SHROOM4: variants seen among roughly 807,000 people sequenced by gnomAD.
SHROOM4 encodes the protein protein Shroom4.
A neutral mutation model predicts 80.3 loss-of-function variants in SHROOM4; 17 were observed. The ratio of observed to expected loss-of-function variants is 0.21; its 90% CI spans 0.14 to 0.32. The LOEUF (loss-of-function observed/expected upper bound fraction) is 0.32. Among genes scored for constraint, SHROOM4 ranks in the 10% least tolerant of loss-of-function variants. SHROOM4 has a pLI of 1.00. For synonymous variants in SHROOM4, 400 were observed against 437.5 expected (o/e 0.91, Z 1.07); for missense variants, 993 against 1,140.3 (o/e 0.87, Z 1.86).
At chrX:50,611,291 G>GGCGCCCGCTACC (rs1322629040) in intron 5 of SHROOM4, among the ~76,000 whole-genome samples, 1 of 109,269 alleles carries the variant, frequency 9.2e-6, no homozygotes. Context: ...TGGGACTACA[G>GGCGCCCGCTACC]GCGCCCGCTA....
intron 1 of SHROOM4, among the ~76,000 whole-genome samples, chrX:50,701,253 GT>G (rs782366071): frequency 4.5e-5 from 5 of 111,983 alleles, no homozygotes; most frequent in Non-Finnish European, 9.4e-5. Context: ...GAATTTGGTG[GT>G]GAGGACAGGG....
intron 1 of SHROOM4, among the ~76,000 whole-genome samples, chrX:50,720,894 T>A (rs960581514): frequency 9.0e-6 from 1 of 111,270 alleles, no homozygotes; most frequent in African/African-American, 3.3e-5. Context: ...TTTTGTGGGA[T>A]CACCTGAGGG....
chrX:50,807,486 A>G (rs185045319), intron 1 of SHROOM4, among the ~76,000 whole-genome samples: 11 of 112,141 alleles, frequency 9.8e-5, no homozygotes, highest in African/African-American at 3.2e-4. Flanking sequence ...AGCATCTTCA[A>G]TCTTGGAGAC....
chrX:50,714,080 C>T (rs1933887717), intron 1 of SHROOM4, among the ~76,000 whole-genome samples: 1 of 111,843 alleles, frequency 8.9e-6, no homozygotes, highest in South Asian at 3.7e-4. Context: ...GGTGTCCTTT[C>T]CCCACTGTAT....
At position 50,591,694 on chromosome X, in the gene SHROOM4, T is replaced by TTTCTTTC. The variant is rs781942320; in HGVS notation, c.*5000_*5001insGAAAGAA. 4 of 233,049 alleles carry TTTCTTTC rather than the reference T, an allele frequency of 1.7e-5. No homozygotes were observed. Among genetic ancestry groups the TTTCTTTC allele is most frequent in the African/African-American group, 1.4e-4 (4 of 28,449 alleles). The allele number at this position is 233,049 out of a possible 1,213,427, so 19.2% of individuals were successfully genotyped here. On this transcript the variant is annotated 3_prime_UTR_variant, in exon 9 of 9. Coordinates refer to ENST00000376020, the MANE Select transcript of SHROOM4 (RefSeq NM_020717.5). ...TTTTCTTTCTTTCTTTCTTTCTTTC[T>TTTCTTTC]TTTCTTTCTTTCTTTCTTTCTTTCT... is the stretch of plus-strand genomic sequence containing the variant.
At chrX:50,645,345 T>C (rs1557257759) in intron 2 of SHROOM4, among the ~76,000 whole-genome samples, 2 of 112,167 alleles carry the variant, frequency 1.8e-5, no homozygotes, top group African/African-American at 6.5e-5. Flanking sequence ...GGTCGCCAAA[T>C]GTCTTTCTCC....
At position 50,589,642 on chromosome X, in the gene SHROOM4, T is replaced by C. The variant is rs1928826014; in HGVS notation, c.*7053A>G. 8.9e-6 allele frequency among the ~76,000 whole-genome samples: 1 copy of C among 112,354 alleles called. No individual in the cohort carries two copies. Among genetic ancestry groups the C allele is most frequent in the Admixed American group, 9.4e-5 (1 of 10,590 alleles). On this transcript the variant is annotated 3_prime_UTR_variant, in exon 9 of 9. Coordinates refer to ENST00000376020, the MANE Select transcript of SHROOM4 (RefSeq NM_020717.5). ...TTTATGGCTAAATAATACCCTACTGTATGCATATATCAAAGTTTGTTTATC... is the reference window on the plus strand; with the variant it reads ...TTTATGGCTAAATAATACCCTACTGCATGCATATATCAAAGTTTGTTTATC...
At chrX:50,618,520 C>A (rs1421490972) in intron 5 of SHROOM4, among the ~76,000 whole-genome samples, 1 of 109,053 alleles carries the variant, frequency 9.2e-6, no homozygotes, top group Non-Finnish European at 1.9e-5. Context: ...GATTCTCATG[C>A]CTCAGCCTCC....
rs1931430478 is a variant in SHROOM4, at chrX:50,638,028, C to A, written c.404+146G>T. Reference sequence around the variant, plus strand: ...ACAGAGAATTAGCAAGAGACTAGCACTTGAACTCAGGTACTCTGGACTCCC... The same window carrying A: ...ACAGAGAATTAGCAAGAGACTAGCAATTGAACTCAGGTACTCTGGACTCCC... On this transcript the variant is annotated intron_variant, in intron 3 of 8. Transcript: ENST00000376020. The A allele has an allele frequency of 1.2e-5, 9 of 727,380 alleles. No individual in the cohort carries two copies. The East Asian group carries it at 2.9e-4, about 23-fold the overall frequency. The allele number at this position is 727,380 out of a possible 1,213,427, so 59.9% of individuals were successfully genotyped here. A position where few individuals can be genotyped will look rare whatever the true frequency, so the allele number is the denominator to read the frequency against.
At chrX:50,773,018 T>C (rs1297948378) in intron 1 of SHROOM4, among the ~76,000 whole-genome samples, 1 of 111,994 alleles carries the variant, frequency 8.9e-6, no homozygotes, top group Non-Finnish European at 1.9e-5. Context: ...AATTCTTCTT[T>C]ACTACACTTA....
chrX:50,640,889 T>C (rs1368517599), intron 2 of SHROOM4, among the ~76,000 whole-genome samples: 3 of 112,322 alleles, frequency 2.7e-5, no homozygotes, highest in Non-Finnish European at 5.6e-5. Context: ...TTTAGACAGG[T>C]GACTTCACTT....
chrX:50,665,246 A>G (rs1418541162), intron 2 of SHROOM4, among the ~76,000 whole-genome samples: 1 of 110,894 alleles, frequency 9.0e-6, no homozygotes, highest in Non-Finnish European at 1.9e-5. Flanking sequence ...CCCTCATCCA[A>G]TCAAAGAGCT....
At position 50,589,534 on chromosome X, in the gene SHROOM4, A is replaced by G. The variant is rs1928824089; in HGVS notation, c.*7161T>C. On this transcript the variant is annotated 3_prime_UTR_variant, in exon 9 of 9. Coordinates refer to ENST00000376020, the MANE Select transcript of SHROOM4 (RefSeq NM_020717.5). ...TTTCATATAAATTAAATCATACAATATGTGGTCTTTTGTGATTGGCTCCTT... is the reference window on the plus strand; with the variant it reads ...TTTCATATAAATTAAATCATACAATGTGTGGTCTTTTGTGATTGGCTCCTT... Among the ~76,000 whole-genome samples, 1 of 111,614 alleles carries G rather than the reference A, an allele frequency of 9.0e-6. No individual in the cohort carries two copies. The highest frequency in any genetic ancestry group is 3.3e-5 in the African/African-American group (1 of 30,692).
At chrX:50,645,727 C>T (rs868951007) in intron 2 of SHROOM4, among the ~76,000 whole-genome samples, 2 of 111,618 alleles carry the variant, frequency 1.8e-5, no homozygotes, top group Non-Finnish European at 3.8e-5. Context: ...TCCCATTTAG[C>T]GGAGCTGAGT....
chrX:50,717,342 C>T (rs1016674553), intron 1 of SHROOM4, among the ~76,000 whole-genome samples: 6 of 111,780 alleles, frequency 5.4e-5, no homozygotes, highest in Admixed American at 9.4e-5. Context: ...CTCAGCCTCC[C>T]CAGTAGCTGG....
At chrX:50,723,627 G>A (rs989283404) in intron 1 of SHROOM4, among the ~76,000 whole-genome samples, 2 of 111,582 alleles carry the variant, frequency 1.8e-5, no homozygotes, top group Admixed American at 1.9e-4. Context: ...GATGATCAGA[G>A]CTTTGAGCTC....
rs1928794148 is a variant in SHROOM4, at chrX:50,588,041, A to G, written c.*8654T>C. Among the ~76,000 whole-genome samples, 2 of 111,943 alleles carry G rather than the reference A, an allele frequency of 1.8e-5. No homozygotes were observed. Among genetic ancestry groups the G allele is most frequent in the Admixed American group, 1.9e-4 (2 of 10,578 alleles). On this transcript the variant is annotated 3_prime_UTR_variant, in exon 9 of 9. Coordinates refer to ENST00000376020, the MANE Select transcript of SHROOM4 (RefSeq NM_020717.5). ...GATGTTTTCCCCAAACCAGCCTCAAATTGGACCTTAAGTGGTCCACATGCA... is the reference window on the plus strand; with the variant it reads ...GATGTTTTCCCCAAACCAGCCTCAAGTTGGACCTTAAGTGGTCCACATGCA...
chrX:50,711,061 C>T (rs1933799987), intron 1 of SHROOM4, among the ~76,000 whole-genome samples: 1 of 112,131 alleles, frequency 8.9e-6, no homozygotes, highest in African/African-American at 3.2e-5. Flanking sequence ...AATGCTAGCC[C>T]TTATACCTTA....
intron 1 of SHROOM4, among the ~76,000 whole-genome samples, chrX:50,779,699 G>A (rs1320216179): frequency 8.9e-6 from 1 of 111,779 alleles, no homozygotes; most frequent in Non-Finnish European, 1.9e-5. Context: ...CTCGCAATGT[G>A]CCTCCAACAC....
Sources: gnomAD v4.1 joint callset for allele counts (sites outside exome capture counted in the v4.1 genomes callset) on GRCh38, gnomAD v4.1.1 for gene constraint, MANE v1.5 for transcripts, NCBI Gene and HGNC (gene_info 2026-07-23, HGNC 2026-07-21) for gene names.